C5: variants seen among roughly 807,000 people sequenced by gnomAD.
C5 encodes C3 and PZP-like alpha-2-macroglobulin domain-containing protein 4.
A neutral mutation model predicts 218.8 loss-of-function variants in C5; 140 were observed. The ratio of observed to expected loss-of-function variants is 0.64; its 90% confidence interval spans 0.56 to 0.74. The LOEUF (loss-of-function observed/expected upper bound fraction) is 0.74, where lower values mean the gene tolerates loss of function less well. Ranked by LOEUF, C5 falls within the 30% of genes least tolerant of loss-of-function variation. C5 has a pLI of 0.00. For missense variants in C5, 1,700 were observed against 1,969.6 expected (o/e 0.86, Z 2.59); for synonymous variants, 614 against 682.3 (o/e 0.90, Z 1.56).
At chr9:121,014,930 G>T (rs571196646) in intron 16 of C5, among the ~76,000 whole-genome samples, 24 of 152,172 alleles carry the variant, frequency 1.6e-4, no homozygotes, top group African/African-American at 5.3e-4. Context: ...TTATCAGAGA[G>T]AAAATATTTA....
chr9:121,013,235 G>A (rs6478493), intron 17 of C5, among the ~76,000 whole-genome samples: 15,933 of 150,016 alleles, frequency 0.11, 898 homozygotes, highest in African/African-American at 0.14. Flanking sequence ...CAGGAGAATC[G>A]CTTGAACCCA....
intron 11 of C5, 124 bp from the exon 12 acceptor site, chr9:121,020,303 G>C (rs1159549358): frequency 6.4e-6 from 5 of 786,520 alleles, no homozygotes; most frequent in Non-Finnish European, 1.1e-5. Flanking sequence ...ATGCTAAAGG[G>C]GAAAAAACCC....
Position 120,971,992 on chromosome 9 carries a change from C to T in C5, c.4018G>A (p.Val1340Met). 2 of 1,608,936 alleles carry T rather than the reference C, an allele frequency of 1.2e-6. No homozygotes were observed. The highest frequency in any genetic ancestry group is 1.7e-4 in the Middle Eastern group (1 of 6,060). The change falls in exon 31 of 41, where the codon GTG becomes ATG. Residue 1340 changes from valine to methionine, a missense_variant and splice_region_variant. By Grantham distance (21) the Val-to-Met change is conservative. Coordinates refer to ENST00000223642, the MANE Select transcript of C5 (RefSeq NM_001735.3). ...DKNFLGRPVE[V>M]LLNDDLIVST... ...ACAATGAGGTCATCATTGAGAAGCACCTGGAAAGATAATAGAGAAACAAAC... is the reference window on the plus strand; with the variant it reads ...ACAATGAGGTCATCATTGAGAAGCATCTGGAAAGATAATAGAGAAACAAAC...
intron 30 of C5, 55 bp downstream of exon 30, chr9:120,974,724 A>G (rs1231088998): frequency 7.0e-7 from 1 of 1,436,398 alleles, no homozygotes; most frequent in Non-Finnish European, 9.8e-7. Flanking sequence ...AGTGGAACAG[A>G]TGATTTCAAT....
rs1308570674 is a variant in C5, at chr9:121,018,767, AAGG to A, written c.1507-918_1507-916del. Among the ~76,000 whole-genome samples the A allele has an allele frequency of 1.0e-4, 15 of 150,300 alleles. 1 individual carries two copies. Among genetic ancestry groups the A allele is most frequent in the African/African-American group, 2.7e-4 (11 of 40,786 alleles). On this transcript the variant is annotated intron_variant, in intron 12 of 40. Transcript: ENST00000223642. Reference sequence around the variant, plus strand: ...AAAGGAAGGAAGGAAGGAAGGAAGGAAGGAAGGAAGGAAGGAAGGAAGGAAGGA... The same window carrying A: ...AAAGGAAGGAAGGAAGGAAGGAAGGAAAGGAAGGAAGGAAGGAAGGAAGGA...
intron 2 of C5, 97 bp from the exon 3 acceptor site, chr9:121,043,263 G>T: frequency 1.0e-6 from 1 of 997,826 alleles, no homozygotes; most frequent in Non-Finnish European, 1.5e-6. Context: ...AGAACAATCA[G>T]TATGTATATG....
At chr9:121,054,579 A>C (rs2047689187), upstream of C5, among the ~76,000 whole-genome samples, 1 of 152,212 alleles carries the variant, frequency 6.6e-6, no homozygotes, top group Non-Finnish European at 1.5e-5. Flanking sequence ...CAGCCTGGGC[A>C]ACGAGAGCAA....
At chr9:120,954,899 A>G (rs535551984) in intron 39 of C5, among the ~76,000 whole-genome samples, 1 of 152,330 alleles carries the variant, frequency 6.6e-6, no homozygotes, top group African/African-American at 2.4e-5. Flanking sequence ...CAACATTACC[A>G]GTACTATCTG....
the C5 span, among the ~76,000 whole-genome samples, chr9:121,070,832 T>C: frequency 6.6e-6 from 1 of 152,028 alleles, no homozygotes; most frequent in Non-Finnish European, 1.5e-5. Context: ...AGGATGAGGA[T>C]AGTTAACAAT....
chr9:120,997,739 G>A lies in C5; in HGVS notation c.2598C>T (p.Cys866=). The part of the protein sequence containing the change: ...CVKMSAVEGI[C]TSESPVIDHQ... Reference sequence around the variant, plus strand: ...GATCAATGACTGGGCTTTCCGAAGTGCAGATTCCCTCCACAGCAGACATTT... The same window carrying A: ...GATCAATGACTGGGCTTTCCGAAGTACAGATTCCCTCCACAGCAGACATTT... Residue 866 remains cysteine (C), a synonymous_variant, in exon 21 of 41, where the codon TGC becomes TGT. Coordinates refer to ENST00000223642, the MANE Select transcript of C5 (RefSeq NM_001735.3). 1.2e-6 allele frequency: 2 copies of A among 1,614,036 alleles called. No individual in the cohort carries two copies. Among genetic ancestry groups the A allele is most frequent in the Non-Finnish European group, 8.5e-7 (1 of 1,180,008 alleles).
chr9:121,015,371 TAAC>T, intron 15 of C5, 110 bp from the exon 16 acceptor site: 1 of 700,432 alleles, frequency 1.4e-6, no homozygotes, highest in South Asian at 1.6e-5. Context: ...AGTCATTCCT[TAAC>T]AAATATTGAG....
chr9:121,073,290 T>G, the C5 span, among the ~76,000 whole-genome samples: 11 of 152,188 alleles, frequency 7.2e-5, no homozygotes, highest in African/African-American at 2.4e-4. Context: ...TTCCCCCGCT[T>G]CCGGGGTTTG....
intron 3 of C5, among the ~76,000 whole-genome samples, chr9:121,038,770 T>C (rs1278373864): frequency 6.6e-6 from 1 of 152,200 alleles, no homozygotes; most frequent in Non-Finnish European, 1.5e-5. Flanking sequence ...CAGTATCTTT[T>C]AAAAGATCAG....
At position 120,981,847 on chromosome 9, in the gene C5, CA is replaced by C. The variant is rs1351288163; in HGVS notation, c.3482del (p.Leu1161ArgfsTer2). 3 of 1,608,178 alleles carry C rather than the reference CA, an allele frequency of 1.9e-6. No homozygotes were observed. Among genetic ancestry groups the C allele is most frequent in the Admixed American group, 3.3e-5 (2 of 60,012 alleles). ...GAGAAAGAAAACTCTTACTTACCACCAGGGGGCATATATCGAAAGCCTTTCT... is the reference window on the plus strand; with the variant it reads ...GAGAAAGAAAACTCTTACTTACCACCGGGGGCATATATCGAAAGCCTTTCT... ...GIRKAFDICP[L>X]VKIDTALIKA... On this transcript the variant is annotated frameshift_variant, in exon 27 of 41. Transcript: ENST00000223642. LOFTEE classifies it high-confidence loss of function.
At chr9:120,977,121 A>C (rs530923280) in intron 28 of C5, among the ~76,000 whole-genome samples, 2 of 152,204 alleles carry the variant, frequency 1.3e-5, no homozygotes, top group Non-Finnish European at 2.9e-5. Flanking sequence ...AATCTGAAAT[A>C]TGAAATGCCC....
intron 15 of C5, among the ~76,000 whole-genome samples, chr9:121,015,740 A>T (rs965552067): frequency 1.3e-5 from 2 of 152,208 alleles, no homozygotes; most frequent in African/African-American, 4.8e-5. Context: ...GGTGAGCAGG[A>T]CTTACAACTA....
intron 7 of C5, among the ~76,000 whole-genome samples, chr9:121,030,191 T>C (rs41308028): frequency 0.077 from 11,743 of 152,250 alleles, 521 homozygotes; most frequent in Non-Finnish European, 0.11. Context: ...TGCTGTTGAA[T>C]AGCCAACAAA....
At chr9:121,060,004 G>T in the C5 span, among the ~76,000 whole-genome samples, 1 of 152,200 alleles carries the variant, frequency 6.6e-6, no homozygotes, top group Non-Finnish European at 1.5e-5. Flanking sequence ...ATTAAGGTGT[G>T]TTGTTATCTT....
chr9:121,046,099 A>T (rs2047624372), intron 2 of C5, 92 bp downstream of exon 2: 1 of 636,072 alleles, frequency 1.6e-6, no homozygotes. Flanking sequence ...AAATGATTAA[A>T]TCTATATGTT....
Sources: allele counts gnomAD v4.1 joint callset (sites outside exome capture counted in the v4.1 genomes callset), GRCh38; gene constraint gnomAD v4.1.1; transcripts MANE v1.5; gene names NCBI Gene and HGNC (gene_info 2026-07-23, HGNC 2026-07-21).